FAT2: variants seen among roughly 807,000 people sequenced by gnomAD.
FAT2 encodes FAT atypical cadherin 2.
In FAT2, 150 loss-of-function variants were observed where a neutral mutation model predicts 295.3. The observed-to-expected ratio is 0.51, with a 90% CI of 0.44 to 0.58. The LOEUF is 0.58. Among genes scored for constraint, FAT2 ranks in the 20% least tolerant of loss-of-function variants. The pLI, the probability that FAT2 is intolerant of heterozygous loss-of-function variation, is 0.00. For synonymous variants in FAT2, 2,026 were observed against 2,150.3 expected (o/e 0.94, Z 1.60); for missense variants, 4,868 against 5,442.7 (o/e 0.89, Z 3.32).
intron 3 of FAT2, among the ~76,000 whole-genome samples, chr5:151,556,794 G>C (rs1397485894): frequency 6.6e-6 from 1 of 152,160 alleles, no homozygotes; most frequent in African/African-American, 2.4e-5. Flanking sequence ...GGTAGGCAAG[G>C]CTAAGGTATC....
intron 1 of FAT2, among the ~76,000 whole-genome samples, chr5:151,572,630 T>C (rs1050673815): frequency 6.6e-6 from 1 of 152,182 alleles, no homozygotes; most frequent in Non-Finnish European, 1.5e-5. Context: ...TCATAGGGTT[T>C]TATGGAGACT....
At chr5:151,577,947 C>T (rs1359948498) in intron 1 of FAT2, among the ~76,000 whole-genome samples, 1 of 151,456 alleles carries the variant, frequency 6.6e-6, no homozygotes, top group African/African-American at 2.4e-5. Context: ...ACTCTAGCCC[C>T]ACTTCTTCTG....
intron 1 of FAT2, among the ~76,000 whole-genome samples, chr5:151,572,053 G>A (rs1758553986): frequency 6.6e-6 from 1 of 152,124 alleles, no homozygotes. Flanking sequence ...CAGCTTAAAT[G>A]TCACCTCCTG....
At position 151,554,272 on chromosome 5, in the gene FAT2, G is replaced by C. The variant is rs114484962; in HGVS notation, c.3945+90C>G. The C allele has an allele frequency of 1.3e-3, 1,582 of 1,195,946 alleles. 15 individuals are homozygous for C. The African/African-American group carries it at 0.022, about 17-fold the overall frequency. 74.1% of individuals were successfully genotyped at this position (1,195,946 alleles called of 1,614,324 possible). ...AGGAGAGTACCATTTCCCTTATGCT[G>C]GTGGGCTGTCTCCCTCCTCCTGAAT... On this transcript the variant is annotated intron_variant, in intron 5 of 23. Transcript: ENST00000261800.
In FAT2 at chr5:151,544,935, A is replaced by G; in HGVS notation, c.6192T>C (p.Asn2064=). ...GATGCTTAAATTTGGGGGGATTGTC[A>G]TTGACATCCTCAATAGAGACTCTGA... ...GLVRVSIEDV[N]DNPPKFKHLP... is the part of the protein sequence containing the mutation. Residue 2064 remains asparagine (N), a synonymous_variant, in exon 10 of 24, where the codon AAT becomes AAC. Coordinates refer to ENST00000261800, the MANE Select transcript of FAT2 (RefSeq NM_001447.3). The G allele has an allele frequency of 6.2e-7, 1 of 1,614,138 alleles. No individual in the cohort carries two copies. Among genetic ancestry groups the G allele is most frequent in the Non-Finnish European group, 8.5e-7 (1 of 1,180,030 alleles).
intron 2 of FAT2, among the ~76,000 whole-genome samples, chr5:151,565,254 A>T (rs1053098432): frequency 6.6e-6 from 1 of 152,148 alleles, no homozygotes; most frequent in Non-Finnish European, 1.5e-5. Context: ...AGTGTCTATT[A>T]TACTGTATTT....
At position 151,556,358 on chromosome 5, in the gene FAT2, C is replaced by T. The variant is rs1481172094; in HGVS notation, c.3619G>A (p.Glu1207Lys). ...AQQLDRENKD[E>K]HILEVTVLDN... ...CCATTACTTACCTCCAGGATGTGTT[C>T]ATCCTTGTTCTCTCTGTCCAGCTGC... The change falls in exon 4 of 24, where the codon GAA (glutamate) becomes AAA (lysine). Residue 1207 changes from glutamate (E) to lysine (K), a missense_variant. By Grantham distance (56) the Glu-to-Lys change is moderately conservative. Around this residue, in one of 5 missense-constraint regions of FAT2, gnomAD observed 3,297 missense variants for 3,669.4 expected, o/e 0.90. Transcript: ENST00000261800. The T allele has an allele frequency of 1.2e-6, 2 of 1,613,858 alleles. No homozygotes were observed. Among genetic ancestry groups the T allele is most frequent in the East Asian group, 2.2e-5 (1 of 44,884 alleles).
At position 151,567,479 on chromosome 5, in the gene FAT2, G is replaced by A. The variant is rs774527945; in HGVS notation, c.1453C>T (p.Arg485Trp). Residue 485 changes from arginine to tryptophan, a missense_variant, in exon 2 of 24, where the codon CGG becomes TGG. Arg to Trp is a moderately radical substitution (Grantham distance 101). Coordinates refer to ENST00000261800, the MANE Select transcript of FAT2 (RefSeq NM_001447.3). ...ACATATCCATTTTCCCCATGATCCC[G>A]GTCAGTGGCAGTCACAGCCAAAACA... ...TSVLAVTATDRDHGENGYVTY... is the reference protein window; with the variant it reads ...TSVLAVTATDWDHGENGYVTY... 50 of 1,613,966 alleles carry A rather than the reference G, an allele frequency of 3.1e-5. No individual in the cohort carries two copies. Among genetic ancestry groups the A allele is most frequent in the Non-Finnish European group, 3.8e-5 (45 of 1,179,988 alleles).
At chr5:151,585,735 A>G (rs1290383475) in intron 1 of FAT2, among the ~76,000 whole-genome samples, 1 of 152,198 alleles carries the variant, frequency 6.6e-6, no homozygotes, top group African/African-American at 2.4e-5. Context: ...TCTCTAATAT[A>G]TGCTTCCAAG....
chr5:151,520,741 T>C (rs1753367637), intron 19 of FAT2, among the ~76,000 whole-genome samples: 1 of 152,232 alleles, frequency 6.6e-6, no homozygotes, highest in African/African-American at 2.4e-5. Flanking sequence ...TAGTGACTGA[T>C]GGAGCTAGGG....
intron 20 of FAT2, among the ~76,000 whole-genome samples, chr5:151,513,557 C>A (rs556817357): frequency 6.6e-6 from 1 of 152,018 alleles, no homozygotes; most frequent in Non-Finnish European, 1.5e-5. Flanking sequence ...TACACAGGGA[C>A]GCAAAGAAGG....
intron 2 of FAT2, among the ~76,000 whole-genome samples, chr5:151,564,052 A>G (rs754765500): frequency 3.9e-5 from 6 of 152,328 alleles, no homozygotes; most frequent in Middle Eastern, 3.4e-3. Context: ...TAGATAATCA[A>G]TTTCAGGGTT....
chr5:151,572,714 T>G (rs2127653887), intron 1 of FAT2, among the ~76,000 whole-genome samples: 1 of 152,348 alleles, frequency 6.6e-6, no homozygotes, highest in Non-Finnish European at 1.5e-5. Context: ...ATATTCGTTA[T>G]TAGATTTTAA....
Position 151,568,834 on chromosome 5 carries a change from A to C in FAT2, c.98T>G (p.Phe33Cys), listed in dbSNP as rs1422081459. ...GGTGGCATTGTAATGGGAGTGTGTG[A>C]AGTGCCAAGCAGAGGAGGAGAGAAT... ...EGILSSSAWH[F>C]THSHYNATIY... Residue 33 changes from phenylalanine to cysteine, a missense_variant, in exon 2 of 24, where the codon TTC becomes TGC. Phe to Cys is a radical substitution (Grantham distance 205, BLOSUM62 -2). Coordinates refer to ENST00000261800, the MANE Select transcript of FAT2 (RefSeq NM_001447.3). 6.2e-7 allele frequency: 1 copy of C among 1,614,104 alleles called. No homozygotes were observed. The highest frequency in any genetic ancestry group is 1.7e-5 in the Admixed American group (1 of 60,012).
rs1247534327 is a variant in FAT2 at position 151,506,067 on chromosome 5, G to A, written c.12548C>T (p.Pro4183Leu). ...CCAGCGTTCGTTCCTGGAGTAAGTA[G>A]GGGGCCAGACCATGGCTCCGCCAGG... ...VYPGGAMVWP[P>L]TYSRNERWEY... The change falls in exon 24 of 24, where the codon CCT becomes CTT. Residue 4183 changes from proline to leucine, a missense_variant. This residue lies in a region of FAT2 where 492 missense variants were observed against 482.6 expected (regional missense o/e 1.02). Coordinates refer to ENST00000261800, the MANE Select transcript of FAT2 (RefSeq NM_001447.3). The A allele has an allele frequency of 6.5e-7, 1 of 1,542,754 alleles. No homozygotes were observed. Among genetic ancestry groups the A allele is most frequent in the Non-Finnish European group, 8.7e-7 (1 of 1,152,512 alleles).
In FAT2 at chr5:151,517,746, A is replaced by G; in HGVS notation, c.11337T>C (p.Ser3779=). ...CCCTGTACCGCACATAGCTCTGACC[A>G]CTGAACCTTGTAGCAGTACCTGAGA... is the stretch of plus-strand genomic sequence containing the variant. ...CSCNGTATRF[S]GQSYVRYRAP... is the part of the protein sequence containing the mutation. The change falls in exon 20 of 24, where the codon AGT becomes AGC. Residue 3779 remains serine, a synonymous_variant. Transcript: ENST00000261800. The G allele has an allele frequency of 6.2e-7, 1 of 1,614,114 alleles. No homozygotes were observed. Among genetic ancestry groups the G allele is most frequent in the Non-Finnish European group, 8.5e-7 (1 of 1,179,978 alleles).
rs915955274 is a variant in FAT2 at position 151,509,900 on chromosome 5, G to A, written c.12059+121C>T. ...ACCACTGCCCTAACAGATGGAAAAGGCCTAGAAGCCAGGTCCCTGCAGCAC... is the reference window on the plus strand; with the variant it reads ...ACCACTGCCCTAACAGATGGAAAAGACCTAGAAGCCAGGTCCCTGCAGCAC... On this transcript the variant is annotated intron_variant, in intron 22 of 23. Coordinates refer to ENST00000261800, the MANE Select transcript of FAT2 (RefSeq NM_001447.3). 3.9e-5 allele frequency: 46 copies of A among 1,169,494 alleles called. No homozygotes were observed. In the South Asian group the frequency reaches 5.0e-4, roughly 13 times the overall value. 72.4% of individuals were successfully genotyped at this position (1,169,494 alleles called of 1,614,324 possible).
Position 151,534,503 on chromosome 5 carries a change from C to G in FAT2, c.9333G>C (p.Pro3111=), listed in dbSNP as rs538253017. Reference sequence around the variant, plus strand: ...CAGCACAGTGGCTGGGGAAGAACCGCGGGGCATTGTCATTCACATCCTCCA... The same window carrying G: ...CAGCACAGTGGCTGGGGAAGAACCGGGGGGCATTGTCATTCACATCCTCCA... ...LHVEDVNDNA[P]RFFPSHCAVA... The change falls in exon 13 of 24, where the codon CCG becomes CCC. Residue 3111 remains proline, a synonymous_variant. Transcript: ENST00000261800. The G allele has an allele frequency of 6.2e-7, 1 of 1,614,084 alleles. No homozygotes were observed. Among genetic ancestry groups the G allele is most frequent in the Non-Finnish European group, 8.5e-7 (1 of 1,180,018 alleles).
At chr5:151,518,374 A>ATTATTATTATTTTT (rs60093109) in intron 19 of FAT2, among the ~76,000 whole-genome samples, 1 of 147,396 alleles carries the variant, frequency 6.8e-6, no homozygotes, top group Non-Finnish European at 1.5e-5. Context: ...TAATAATAAT[A>ATTATTATTATTTTT]ATTTTTAAAA....
Sources: allele counts gnomAD v4.1 joint callset (sites outside exome capture counted in the v4.1 genomes callset), GRCh38; gene constraint gnomAD v4.1.1; regional missense constraint gnomAD v4.1.1; transcripts MANE v1.5; gene names NCBI Gene and HGNC (gene_info 2026-07-23, HGNC 2026-07-21).